SOX5: variants seen among roughly 807,000 people sequenced by gnomAD.
SOX5 encodes transcription factor SOX-5.
Under a neutral mutation model 92.0 loss-of-function variants are expected in SOX5, and 9 were observed. That is an observed-to-expected ratio of 0.10 (90% confidence interval 0.06 to 0.17). SOX5 has a LOEUF of 0.17. SOX5 is among the 10% of genes least tolerant of loss of function. The pLI is 1.00. For missense variants in SOX5, 642 were observed against 944.5 expected (o/e 0.68, Z 4.20); for synonymous variants, 344 against 336.3 (o/e 1.02, Z -0.25).
intron 6 of SOX5, among the ~76,000 whole-genome samples, chr12:23,725,657 T>A (rs117474317): frequency 6.6e-6 from 1 of 152,172 alleles, no homozygotes; most frequent in African/African-American, 2.4e-5. Context: ...AATTTTGGAA[T>A]ATTATTTTCA....
chr12:24,095,154 G>GAGAC (rs1945240445), intron 4 of SOX5, among the ~76,000 whole-genome samples: 2 of 149,570 alleles, frequency 1.3e-5, no homozygotes, highest in South Asian at 4.2e-4. Flanking sequence ...GAGAGAGAGA[G>GAGAC]AGACAGAGAC....
At chr12:24,361,950 G>A (rs75967708) in intron 2 of SOX5, among the ~76,000 whole-genome samples, 6,683 of 152,216 alleles carry the variant, frequency 0.044, 426 homozygotes, top group African/African-American at 0.14. Context: ...GGCAGAGACT[G>A]GAGTGATCTC....
At chr12:24,329,981 C>T (rs1951112723) in intron 2 of SOX5, among the ~76,000 whole-genome samples, 1 of 152,172 alleles carries the variant, frequency 6.6e-6, no homozygotes, top group Non-Finnish European at 1.5e-5. Flanking sequence ...TGAGATCGTG[C>T]CATTGCCCTC....
At chr12:23,622,055 G>A (rs936265677) in intron 8 of SOX5, among the ~76,000 whole-genome samples, 24 of 152,038 alleles carry the variant, frequency 1.6e-4, no homozygotes, top group Non-Finnish European at 1.5e-5. Flanking sequence ...TGGAGGCCTT[G>A]GTGTATCGAG....
intron 2 of SOX5, among the ~76,000 whole-genome samples, chr12:24,287,694 T>C (rs1289157939): frequency 1.3e-5 from 2 of 151,900 alleles, no homozygotes; most frequent in African/African-American, 4.8e-5. Flanking sequence ...AATCATTTTT[T>C]CTTGTCCTAA....
chr12:23,619,375 G>A (rs2076925473), intron 8 of SOX5, among the ~76,000 whole-genome samples: 1 of 152,086 alleles, frequency 6.6e-6, no homozygotes, highest in African/African-American at 2.4e-5. Flanking sequence ...TTAGGGAATA[G>A]GTATTATTTT....
chr12:23,944,861 A>T (rs1944283475), intron 1 of SOX5, among the ~76,000 whole-genome samples: 1 of 152,158 alleles, frequency 6.6e-6, no homozygotes, highest in South Asian at 2.1e-4. Context: ...TGAGTCAGAG[A>T]CCTGGCACAT....
At chr12:24,484,034 A>C (rs745570753) in intron 1 of SOX5, among the ~76,000 whole-genome samples, 1 of 152,174 alleles carries the variant, frequency 6.6e-6, no homozygotes, top group South Asian at 2.1e-4. Context: ...GTTGTGAGAA[A>C]TTTGCAACGT....
chr12:23,623,799 C>G (rs998996850), intron 8 of SOX5, among the ~76,000 whole-genome samples: 7 of 152,064 alleles, frequency 4.6e-5, no homozygotes, highest in African/African-American at 1.7e-4. Flanking sequence ...AAGAAACATA[C>G]AATTACCACA....
intron 4 of SOX5, among the ~76,000 whole-genome samples, chr12:24,006,843 T>C (rs1042015966): frequency 6.6e-6 from 1 of 151,958 alleles, no homozygotes; most frequent in South Asian, 2.1e-4. Context: ...GGCATTAATA[T>C]CTTAACTGAA....
At chr12:23,797,443 T>C (rs1332659033) in intron 3 of SOX5, among the ~76,000 whole-genome samples, 3 of 151,822 alleles carry the variant, frequency 2.0e-5, no homozygotes, top group Non-Finnish European at 4.4e-5. Flanking sequence ...TCTACTTGAG[T>C]TTTTGGCTAT....
At chr12:23,781,936 A>C (rs2095288729) in intron 3 of SOX5, among the ~76,000 whole-genome samples, 1 of 152,114 alleles carries the variant, frequency 6.6e-6, no homozygotes, top group Non-Finnish European at 1.5e-5. Flanking sequence ...ATAACTTTCT[A>C]AGGTTAAAAG....
At chr12:24,488,463 T>C (rs571815840) in intron 1 of SOX5, among the ~76,000 whole-genome samples, 2 of 152,248 alleles carry the variant, frequency 1.3e-5, no homozygotes, top group South Asian at 4.1e-4. Context: ...TGTGTGCCTG[T>C]AGTCCCAGCT....
chr12:24,561,573 C>G (rs989496428), intron 1 of SOX5, among the ~76,000 whole-genome samples: 3 of 152,100 alleles, frequency 2.0e-5, no homozygotes, highest in African/African-American at 7.2e-5. Flanking sequence ...TTCCCAAACC[C>G]GCGCTTAAAG....
chr12:23,661,315 C>T (rs941796818), intron 7 of SOX5, among the ~76,000 whole-genome samples: 2 of 152,140 alleles, frequency 1.3e-5, no homozygotes, highest in Non-Finnish European at 2.9e-5. Flanking sequence ...AAACAATCAT[C>T]TCTAATTTCT....
At chr12:23,547,203 A>C (rs1943305303) in intron 11 of SOX5, among the ~76,000 whole-genome samples, 1 of 152,166 alleles carries the variant, frequency 6.6e-6, no homozygotes, top group Non-Finnish European at 1.5e-5. Context: ...CATTACTGTC[A>C]AATTAAGAAA....
intron 6 of SOX5, among the ~76,000 whole-genome samples, chr12:23,702,480 A>G (rs1322516904): frequency 6.6e-6 from 1 of 152,052 alleles, no homozygotes; most frequent in African/African-American, 2.4e-5. Context: ...CATTAAAACT[A>G]GAGAAACCAT....
At chr12:23,606,770 C>T (rs1448877872) in intron 8 of SOX5, among the ~76,000 whole-genome samples, 2 of 151,994 alleles carry the variant, frequency 1.3e-5, no homozygotes, top group African/African-American at 4.8e-5. Context: ...CATATACTTT[C>T]ATCGTTCAAA....
At chr12:23,994,818 T>G (rs1175336247) in intron 4 of SOX5, among the ~76,000 whole-genome samples, 1 of 152,146 alleles carries the variant, frequency 6.6e-6, no homozygotes, top group Non-Finnish European at 1.5e-5. Context: ...AATGGAAAAG[T>G]TGGAATGAGC....
Sources: gnomAD v4.1 joint callset for allele counts (sites outside exome capture counted in the v4.1 genomes callset) on GRCh38, gnomAD v4.1.1 for gene constraint, MANE v1.5 for transcripts, NCBI Gene and HGNC (gene_info 2026-07-23, HGNC 2026-07-21) for gene names.